The following CDC16 variants were observed in gnomAD, a reference collection of about 807,000 sequenced individuals.
CDC16 encodes the protein cell division cycle protein 16 homolog.
A neutral mutation model predicts 87.0 loss-of-function variants in CDC16; 34 were observed. The observed-to-expected ratio is 0.39, with a 90% CI of 0.30 to 0.52. The LOEUF is 0.52. Among genes scored for constraint, CDC16 ranks in the 20% least tolerant of loss-of-function variants. The pLI, the probability that CDC16 is intolerant of heterozygous loss-of-function variation, is 0.74. For synonymous variants in CDC16, 263 were observed against 260.6 expected (o/e 1.01, Z -0.09); for missense variants, 653 against 751.9 (o/e 0.87, Z 1.54).
chr13:114,243,904 C>G lies in CDC16; in HGVS notation c.682C>G (p.Gln228Glu). ...CATCCCTGAATCTGTAGATGGCTTG[C>G]AAGAGAATCTGGATGTGGTAGTGTC... is the stretch of plus-strand genomic sequence containing the variant. ...TVIPESVDGLQENLDVVVSLA... is the reference protein window; with the variant it reads ...TVIPESVDGLEENLDVVVSLA... The change falls in exon 8 of 18, where the codon CAA becomes GAA. Residue 228 changes from glutamine to glutamate, a missense_variant. Physicochemically the swap from Gln to Glu is conservative, Grantham distance 29 (BLOSUM62 2). Coordinates refer to ENST00000356221, the MANE Select transcript of CDC16 (RefSeq NM_001078645.3). 6.2e-7 allele frequency: 1 copy of G among 1,606,622 alleles called. No homozygotes were observed.
At position 114,242,257 on chromosome 13, in the gene CDC16, A is replaced by G. The variant is rs748646327; in HGVS notation, c.518A>G (p.His173Arg). The G allele has an allele frequency of 6.2e-7, 1 of 1,613,686 alleles. No homozygotes were observed. Among genetic ancestry groups the G allele is most frequent in the Non-Finnish European group, 8.5e-7 (1 of 1,179,876 alleles). ...CFEAFDLLTS[H>R]HMLTAQEEKE... is the part of the protein sequence containing the mutation. ...GAAGCGTTCGATCTTTTAACATCAC[A>G]TCACATGCTGACAGCACAAGAAGGT... Residue 173 changes from histidine (H) to arginine (R), a missense_variant, in exon 6 of 18, where the codon CAT becomes CGT. His to Arg is a conservative substitution (Grantham distance 29). Transcript: ENST00000356221.
chr13:114,238,859 ATT>A, intron 3 of CDC16, 129 bp from the exon 4 acceptor site: 5 of 1,128,164 alleles, frequency 4.4e-6, no homozygotes, highest in Non-Finnish European at 6.0e-6. Flanking sequence ...ACAGGACTGG[ATT>A]TTTTTTTTAA....
Position 114,235,048 on chromosome 13 carries a change from G to T in CDC16, c.-37G>T. 8.0e-7 allele frequency: 1 copy of T among 1,246,904 alleles called. No homozygotes were observed. The highest frequency in any genetic ancestry group is 4.2e-5 in the Admixed American group (1 of 23,848). The allele number at this position is 1,246,904 out of a possible 1,614,324, so 77.2% of individuals were successfully genotyped here. ...TTAGGGTGCAGGAGGCGCGCGCCTA[G>T]CGGCGGAGTGTGGCGTGAGGCCGGG... On this transcript the variant is annotated 5_prime_UTR_variant, in exon 1 of 18. Transcript: ENST00000356221.
chr13:114,264,492 G>A (rs913795830), intron 16 of CDC16, among the ~76,000 whole-genome samples: 7 of 151,888 alleles, frequency 4.6e-5, no homozygotes, highest in East Asian at 2.0e-4. Context: ...CCCGGGAGGC[G>A]GAGGTTGCAG....
At chr13:114,267,670 A>G (rs545832366) in intron 17 of CDC16, among the ~76,000 whole-genome samples, 1 of 152,330 alleles carries the variant, frequency 6.6e-6, no homozygotes, top group African/African-American at 2.4e-5. Context: ...CAGTCACTAA[A>G]ATGTGTAAAC....
intron 8 of CDC16, chr13:114,244,632 A>C: frequency 3.4e-6 from 1 of 296,444 alleles, no homozygotes; most frequent in Non-Finnish European, 6.2e-6. Flanking sequence ...TATGTATTAC[A>C]ATTCTGTTGA....
At position 114,268,336 on chromosome 13, in the gene CDC16, C is replaced by G. The variant is rs1006548541; in HGVS notation, c.1603+3096C>G. Among the ~76,000 whole-genome samples, 4 of 152,224 alleles carry G rather than the reference C, an allele frequency of 2.6e-5. 1 individual carries two copies. In the South Asian group the frequency reaches 8.3e-4, roughly 31 times the overall value. On this transcript the variant is annotated intron_variant, in intron 17 of 17. Transcript: ENST00000356221. ...GTCTTCACTACAAGTTGTCCAGGTT[C>G]TTGGCATGGTGAACAAAGATTGAAC...
intron 17 of CDC16, among the ~76,000 whole-genome samples, chr13:114,269,953 G>T (rs186907578): frequency 1.3e-5 from 2 of 152,180 alleles, no homozygotes; most frequent in Non-Finnish European, 2.9e-5. Context: ...TGATCCGCCC[G>T]CCTCAGTCTC....
In CDC16 at chr13:114,265,252, G is replaced by T. The variant is rs536227095; in HGVS notation, c.1603+12G>T. ...TGAAGCTTATATTGGTAAGATAATC[G>T]TTATTCTTATTGGTATTGTACTCCA... is the stretch of plus-strand genomic sequence containing the variant. On this transcript the variant is annotated intron_variant, in intron 17 of 17. Coordinates refer to ENST00000356221, the MANE Select transcript of CDC16 (RefSeq NM_001078645.3). The T allele has an allele frequency of 3.5e-5, 54 of 1,522,018 alleles. 1 individual carries two copies. In the Middle Eastern group the frequency reaches 5.1e-4, roughly 14 times the overall value. The allele number at this position is 1,522,018 out of a possible 1,614,324, so 94.3% of individuals were successfully genotyped here. A position where few individuals can be genotyped will look rare whatever the true frequency, so the allele number is the denominator to read the frequency against.
At chr13:114,270,424 T>G (rs1362477787) in intron 17 of CDC16, among the ~76,000 whole-genome samples, 1 of 152,172 alleles carries the variant, frequency 6.6e-6, no homozygotes, top group Admixed American at 6.5e-5. Flanking sequence ...ACCTCCAACA[T>G]TGAGGATTAC....
At chr13:114,242,062 A>C (rs1225285337) in intron 5 of CDC16, 59 bp from the exon 6 acceptor site, 1 of 1,543,194 alleles carries the variant, frequency 6.5e-7, no homozygotes, top group African/African-American at 1.4e-5. Context: ...TAAGGAGAAA[A>C]AAAAAAAGTT....
At chr13:114,246,885 T>A in intron 10 of CDC16, 46 bp from the exon 11 acceptor site, 5 of 1,146,778 alleles carry the variant, frequency 4.4e-6, no homozygotes, top group Non-Finnish European at 6.6e-6. Flanking sequence ...TCCAATTAGA[T>A]ATTCCAATTC....
At chr13:114,253,925 A>G (rs996095811) in intron 12 of CDC16, among the ~76,000 whole-genome samples, 1 of 151,932 alleles carries the variant, frequency 6.6e-6, no homozygotes, top group Non-Finnish European at 1.5e-5. Flanking sequence ...TGAATTGTGT[A>G]TTTCTCCCTC....
At chr13:114,239,317 G>C in intron 4 of CDC16, 33 bp from the exon 5 acceptor site, 1 of 1,574,800 alleles carries the variant, frequency 6.4e-7, no homozygotes, top group Non-Finnish European at 8.7e-7. Flanking sequence ...TAGAAGTCGT[G>C]AGTGATGAGC....
At chr13:114,256,569 A>C (rs1190957400) in intron 12 of CDC16, among the ~76,000 whole-genome samples, 1 of 152,266 alleles carries the variant, frequency 6.6e-6, no homozygotes, top group Non-Finnish European at 1.5e-5. Context: ...GAAGGTGGGA[A>C]AATTGAATCA....
rs149961031 is a variant in CDC16, at chr13:114,242,374, A to G, written c.541+94A>G. On this transcript the variant is annotated intron_variant, in intron 6 of 17. Transcript: ENST00000356221. ...AAATCTTCTAAGTCAACAACAGGCCACATACAGGTTTAAATAGACCTACTC... is the reference window on the plus strand; with the variant it reads ...AAATCTTCTAAGTCAACAACAGGCCGCATACAGGTTTAAATAGACCTACTC... The G allele has an allele frequency of 5.0e-4, 565 of 1,132,032 alleles. 4 individuals are homozygous for G. The African/African-American group carries it at 8.2e-3, about 17-fold the overall frequency. The allele number at this position is 1,132,032 out of a possible 1,614,324, so 70.1% of individuals were successfully genotyped here.
chr13:114,266,705 T>A (rs894053421), intron 17 of CDC16, among the ~76,000 whole-genome samples: 12 of 152,132 alleles, frequency 7.9e-5, no homozygotes, highest in Non-Finnish European at 1.5e-5. Flanking sequence ...AATCTTTTTT[T>A]TTTTTTGAGA....
intron 17 of CDC16, 40 bp from the exon 18 acceptor site, chr13:114,272,144 G>T: frequency 8.7e-7 from 1 of 1,146,276 alleles, no homozygotes; most frequent in Admixed American, 2.3e-5. Context: ...ATAAGTGATG[G>T]AATTTCTTAT....
At chr13:114,243,440 A>T (rs1451541636) in intron 7 of CDC16, 92 bp downstream of exon 7, 1 of 664,888 alleles carries the variant, frequency 1.5e-6, no homozygotes, top group Non-Finnish European at 2.7e-6. Flanking sequence ...TTTCAAAATT[A>T]AAACTTTTTA....
Sources: gnomAD v4.1 joint callset for allele counts (sites outside exome capture counted in the v4.1 genomes callset) on GRCh38, gnomAD v4.1.1 for gene constraint, MANE v1.5 for transcripts, NCBI Gene and HGNC (gene_info 2026-07-23, HGNC 2026-07-21) for gene names.